The following CCDC77 variants were observed in gnomAD, a reference collection of about 807,000 sequenced individuals.
CCDC77 encodes the protein coiled-coil domain-containing protein 77.
In CCDC77, 56 loss-of-function variants were observed where a neutral mutation model predicts 66.8. That is an observed-to-expected ratio of 0.84 (90% CI 0.68 to 1.05). The LOEUF (loss-of-function observed/expected upper bound fraction) is 1.05. CCDC77 is among the 50% of genes least tolerant of loss of function. The pLI is 0.00. For missense variants in CCDC77, 570 were observed against 576.8 expected (o/e 0.99, Z 0.12); for synonymous variants, 196 against 195.2 (o/e 1.00, Z -0.03).
At chr12:438,279 C>G in intron 9 of CCDC77, 56 bp from the exon 10 acceptor site, 1 of 1,181,500 alleles carries the variant, frequency 8.5e-7, no homozygotes, top group Non-Finnish European at 1.2e-6. Context: ...ATAATCCTTG[C>G]TTTCAGGTGT....
intron 4 of CCDC77, among the ~76,000 whole-genome samples, chr12:415,420 T>C (rs1299407699): frequency 6.9e-6 from 1 of 144,298 alleles, no homozygotes; most frequent in Non-Finnish European, 1.5e-5. Context: ...GTTGATATTA[T>C]TAACATAATT....
chr12:415,318 TATA>T (rs1945208225), intron 4 of CCDC77, among the ~76,000 whole-genome samples: 1 of 106,184 alleles, frequency 9.4e-6, no homozygotes, highest in Non-Finnish European at 1.9e-5. Context: ...ATTATGTTAA[TATA>T]ATCAACATAA....
At chr12:396,650 A>G (rs1944832133), upstream of CCDC77, among the ~76,000 whole-genome samples, 1 of 152,196 alleles carries the variant, frequency 6.6e-6, no homozygotes, top group Non-Finnish European at 1.5e-5. Flanking sequence ...AGATTTTACA[A>G]AAGTGGTAGT....
Position 440,652 on chromosome 12 carries a change from G to A in CCDC77, c.1077G>A (p.Leu359=), listed in dbSNP as rs1399666959. The A allele has an allele frequency of 6.2e-7, 1 of 1,614,148 alleles. No individual in the cohort carries two copies. The highest frequency in any genetic ancestry group is 8.5e-7 in the Non-Finnish European group (1 of 1,180,018). ...ATAAGTTAGTACAAGAGAAAAAGCT[G>A]TCCAATATGTACCAAGAGCAGTGCA... ...LKDKLVQEKK[L]SNMYQEQCIS... is the part of the protein sequence containing the mutation. The change falls in exon 11 of 13, where the codon CTG becomes CTA. Residue 359 remains leucine (L), a synonymous_variant. Coordinates refer to ENST00000239830, the MANE Select transcript of CCDC77 (RefSeq NM_032358.4).
chr12:407,592 A>G (rs1945019661), intron 2 of CCDC77, among the ~76,000 whole-genome samples: 1 of 152,142 alleles, frequency 6.6e-6, no homozygotes. Flanking sequence ...CACCAAGGCA[A>G]TGAGTAATGA....
Position 412,041 on chromosome 12 carries a change from A to G in CCDC77, c.270+63A>G, listed in dbSNP as rs1317514846. On this transcript the variant is annotated intron_variant, in intron 4 of 12. Coordinates refer to ENST00000239830, the MANE Select transcript of CCDC77 (RefSeq NM_032358.4). ...AGTCTTCATAAATTAGAGATGCCCT[A>G]CAAGTGCCAGTTTATATCAGAAGCA... 6.7e-6 allele frequency: 8 copies of G among 1,197,992 alleles called. No homozygotes were observed. The East Asian group carries it at 9.4e-5, about 14-fold the overall frequency. 74.2% of individuals were successfully genotyped at this position (1,197,992 alleles called of 1,614,324 possible).
intron 10 of CCDC77, among the ~76,000 whole-genome samples, chr12:438,949 G>C (rs111859774): frequency 3.3e-5 from 5 of 151,660 alleles, no homozygotes; most frequent in Non-Finnish European, 5.9e-5. Flanking sequence ...ATGATGGTGG[G>C]TGCCTGTAAT....
intron 2 of CCDC77, 137 bp from the exon 3 acceptor site, chr12:409,231 A>G (rs1394051827): frequency 1.5e-6 from 1 of 675,268 alleles, no homozygotes; most frequent in Non-Finnish European, 2.5e-6. Flanking sequence ...AAAAGAAAAA[A>G]AAAACTACAT....
At chr12:403,430 G>A (rs995923780) in intron 1 of CCDC77, among the ~76,000 whole-genome samples, 1 of 152,154 alleles carries the variant, frequency 6.6e-6, no homozygotes, top group Non-Finnish European at 1.5e-5. Context: ...TAAGAGGCAG[G>A]GCTTTGACTC....
upstream of CCDC77, among the ~76,000 whole-genome samples, chr12:397,669 CAG>C (rs1413521649): frequency 6.6e-6 from 1 of 150,404 alleles, no homozygotes; most frequent in Non-Finnish European, 1.5e-5. Context: ...TTTTTTGAGA[CAG>C]AGTCTTGCTC....
At chr12:415,724 C>G (rs1008121883) in intron 4 of CCDC77, among the ~76,000 whole-genome samples, 1 of 152,012 alleles carries the variant, frequency 6.6e-6, no homozygotes, top group Admixed American at 6.6e-5. Flanking sequence ...CCTCAACGTC[C>G]TGGACTCAAG....
chr12:396,975 C>T (rs1764538889), upstream of CCDC77, among the ~76,000 whole-genome samples: 1 of 152,182 alleles, frequency 6.6e-6, no homozygotes, highest in African/African-American at 2.4e-5. Flanking sequence ...AGCGTGATCT[C>T]AGCTCACTGC....
At chr12:425,804 T>C (rs1039313323) in intron 5 of CCDC77, among the ~76,000 whole-genome samples, 2 of 152,170 alleles carry the variant, frequency 1.3e-5, no homozygotes, top group African/African-American at 2.4e-5. Context: ...ATATCATCAG[T>C]AGTGAGCTAC....
chr12:403,930 T>G lies in CCDC77; in HGVS notation c.-70-1581T>G, dbSNP rs75780437. ...CAAGCAGGTGGGACTACATTGCCAC[T>G]GTGCCCAGCTAATTTTTAAAATTTT... On this transcript the variant is annotated intron_variant, in intron 1 of 12. Transcript: ENST00000239830. 0.028 allele frequency among the ~76,000 whole-genome samples: 4,274 copies of G among 152,318 alleles called. 410 individuals carry two copies. In the East Asian group the frequency reaches 0.31, roughly 11 times the overall value.
rs757179323 is a variant in CCDC77, at chr12:441,933, G to T, written c.*13G>T. ...TAGACTCTGTTAATGTCTACTTTTG[G>T]AAATGGCCCCCATTTAGAAGAGGTG... On this transcript the variant is annotated 3_prime_UTR_variant, in exon 13 of 13. Coordinates refer to ENST00000239830, the MANE Select transcript of CCDC77 (RefSeq NM_032358.4). The T allele has an allele frequency of 6.2e-7, 1 of 1,613,500 alleles. No homozygotes were observed. The highest frequency in any genetic ancestry group is 8.5e-7 in the Non-Finnish European group (1 of 1,179,812).
At chr12:422,627 C>T (rs1310760846) in intron 5 of CCDC77, among the ~76,000 whole-genome samples, 1 of 152,174 alleles carries the variant, frequency 6.6e-6, no homozygotes, top group Non-Finnish European at 1.5e-5. Flanking sequence ...AACAATATTC[C>T]ATTATATGTG....
At chr12:402,530 T>C (rs1033428811) in intron 1 of CCDC77, among the ~76,000 whole-genome samples, 8 of 152,136 alleles carry the variant, frequency 5.3e-5, no homozygotes, top group African/African-American at 1.9e-4. Flanking sequence ...AACAAAGGTA[T>C]GGAGGCAGGA....
chr12:409,421 A>G lies in CCDC77; in HGVS notation c.38A>G (p.Lys13Arg), dbSNP rs145608806. 1.2e-6 allele frequency: 2 copies of G among 1,613,074 alleles called. No individual in the cohort carries two copies. Among genetic ancestry groups the G allele is most frequent in the African/African-American group, 2.7e-5 (2 of 74,426 alleles). The change falls in exon 3 of 13, where the codon AAG becomes AGG. Residue 13 changes from lysine (K) to arginine (R), a missense_variant and splice_region_variant. Transcript: ENST00000239830. ...FTPTHTPVCR[K>R]RTVVSKRGVA... is the part of the protein sequence containing the mutation. ...CCAACACACACCCCTGTCTGCAGAAAGTAAGACATTTGCTTATTTTCAAGT... is the reference window on the plus strand; with the variant it reads ...CCAACACACACCCCTGTCTGCAGAAGGTAAGACATTTGCTTATTTTCAAGT...
chr12:440,612 TGTA>T lies in CCDC77; in HGVS notation c.1042-2_1042del. On this transcript the variant is annotated splice_acceptor_variant and splice_polypyrimidine_tract_variant and intron_variant, in intron 10 of 12. Transcript: ENST00000239830. LOFTEE classifies it high-confidence loss of function. ...GTTAATGTTTTTTGTCCCTTTGACT[TGTA>T]GTCCCTAAAAGATAAGTTAGTACAA... 1 of 1,613,806 alleles carries T rather than the reference TGTA, an allele frequency of 6.2e-7. No individual in the cohort carries two copies. The highest frequency in any genetic ancestry group is 8.5e-7 in the Non-Finnish European group (1 of 1,179,944).
Sources: gnomAD v4.1 joint callset for allele counts (sites outside exome capture counted in the v4.1 genomes callset) on GRCh38, gnomAD v4.1.1 for gene constraint, MANE v1.5 for transcripts, NCBI Gene and HGNC (gene_info 2026-07-23, HGNC 2026-07-21) for gene names.